The following NOS1AP variants were observed in gnomAD, a reference collection of about 807,000 sequenced individuals.
The protein encoded by NOS1AP is carboxyl-terminal PDZ ligand of neuronal nitric oxide synthase protein.
A neutral mutation model predicts 56.2 loss-of-function variants in NOS1AP; 21 were observed. The observed-to-expected ratio is 0.37, with a 90% CI of 0.26 to 0.54. NOS1AP has a LOEUF of 0.54. Ranked by LOEUF, NOS1AP falls within the 20% of genes least tolerant of loss-of-function variation. The probability of loss-of-function intolerance (pLI) is 0.84; values close to 1 mark genes in which losing one functional copy is unlikely to be tolerated. For missense variants in NOS1AP, 522 were observed against 657.8 expected, an observed-to-expected ratio of 0.79 and a Z score of 2.26; for synonymous variants, 270 against 274.6, an observed-to-expected ratio of 0.98 and a Z score of 0.17.
chr1:162,247,691 C>T lies in NOS1AP; in HGVS notation c.178-39653C>T, dbSNP rs891108355. Among the ~76,000 whole-genome samples, 13 of 150,300 alleles carry T rather than the reference C, an allele frequency of 8.6e-5. No individual in the cohort carries two copies. The East Asian group carries it at 9.6e-4, about 11-fold the overall frequency. ...TTACCTATGAAAATAATTTTTGTCC[C>T]GTCCCCCCCACATTGTCCTCCTTCC... On this transcript the variant is annotated intron_variant, in intron 2 of 9. Coordinates refer to ENST00000361897, the MANE Select transcript of NOS1AP (RefSeq NM_014697.3).
intron 1 of NOS1AP, among the ~76,000 whole-genome samples, chr1:162,087,405 T>G (rs572761271): frequency 6.6e-6 from 1 of 152,190 alleles, no homozygotes; most frequent in Non-Finnish European, 1.5e-5. Context: ...CTTTTTTCAC[T>G]TTACACTAAT....
chr1:162,071,209 G>C (rs778992565), intron 1 of NOS1AP, among the ~76,000 whole-genome samples: 13 of 152,126 alleles, frequency 8.5e-5, no homozygotes, highest in Non-Finnish European at 7.4e-5. Flanking sequence ...AGGGACTTTC[G>C]GCACCTACAG....
intron 2 of NOS1AP, among the ~76,000 whole-genome samples, chr1:162,216,207 T>G (rs1276170000): frequency 6.6e-6 from 1 of 152,242 alleles, no homozygotes; most frequent in Admixed American, 6.5e-5. Context: ...GAGCCACCTG[T>G]GTCCCATTCC....
At chr1:162,075,182 T>A (rs992093066) in intron 1 of NOS1AP, among the ~76,000 whole-genome samples, 1 of 152,192 alleles carries the variant, frequency 6.6e-6, no homozygotes, top group East Asian at 1.9e-4. Flanking sequence ...CCTTGCCTCA[T>A]GCCTTGGTGT....
intron 1 of NOS1AP, among the ~76,000 whole-genome samples, chr1:162,125,011 G>A (rs1344372821): frequency 6.6e-6 from 1 of 151,816 alleles, no homozygotes; most frequent in Non-Finnish European, 1.5e-5. Context: ...TCTACTTTTA[G>A]TTCTTTGAGA....
At position 162,367,670 on chromosome 1, in the gene NOS1AP, C is replaced by T. The variant is rs996064042; in HGVS notation, c.*203C>T. 8.1e-6 allele frequency: 5 copies of T among 620,818 alleles called. No individual in the cohort carries two copies. Among genetic ancestry groups the T allele is most frequent in the Non-Finnish European group, 1.4e-5 (5 of 360,470 alleles). The allele number at this position is 620,818 out of a possible 1,614,324, so 38.5% of individuals were successfully genotyped here. ...AGAAATCGGATTCCCAGAGGTGAAT[C>T]AGCTCCTCTCCTACTTGTGACTAGA... On this transcript the variant is annotated 3_prime_UTR_variant, in exon 10 of 10. Transcript: ENST00000361897. The surrounding 1 kb of genome is among the most constrained non-coding windows in gnomAD (Gnocchi z 6.5).
At chr1:162,220,209 G>A (rs1398718228) in intron 2 of NOS1AP, among the ~76,000 whole-genome samples, 5 of 152,192 alleles carry the variant, frequency 3.3e-5, no homozygotes, top group African/African-American at 9.7e-5. Context: ...GTGAGCCCCC[G>A]TGCTCAGCCT....
At chr1:162,187,286 G>A (rs1290832455) in intron 2 of NOS1AP, among the ~76,000 whole-genome samples, 5 of 152,184 alleles carry the variant, frequency 3.3e-5, no homozygotes, top group South Asian at 4.2e-4. Context: ...AAAGTTTTGT[G>A]ATCTTCTTTA....
chr1:162,354,857 G>A (rs1029447781), intron 6 of NOS1AP, among the ~76,000 whole-genome samples: 1 of 152,212 alleles, frequency 6.6e-6, no homozygotes, highest in Admixed American at 6.5e-5. Flanking sequence ...GACTGCTTCC[G>A]TTCCTGAGCT....
intron 2 of NOS1AP, among the ~76,000 whole-genome samples, chr1:162,231,835 G>C (rs998294129): frequency 1.3e-5 from 2 of 152,154 alleles, no homozygotes; most frequent in African/African-American, 4.8e-5. Flanking sequence ...GTTCTAAAAA[G>C]TTACGAAAAT....
intron 1 of NOS1AP, among the ~76,000 whole-genome samples, chr1:162,131,412 C>G (rs539498017): frequency 2.0e-5 from 3 of 151,396 alleles, no homozygotes; most frequent in African/African-American, 7.3e-5. Flanking sequence ...TCACTTGACA[C>G]AGAATCAGCT....
At chr1:162,129,970 G>T (rs1648677227) in intron 1 of NOS1AP, among the ~76,000 whole-genome samples, 1 of 152,088 alleles carries the variant, frequency 6.6e-6, no homozygotes, top group South Asian at 2.1e-4. Context: ...TAATTACTTG[G>T]GTTTAATTTA....
At chr1:162,268,608 A>G (rs764261197) in intron 2 of NOS1AP, among the ~76,000 whole-genome samples, 1 of 152,194 alleles carries the variant, frequency 6.6e-6, no homozygotes, top group Non-Finnish European at 1.5e-5. Context: ...AAAAAGAGAG[A>G]GACCAAAATA....
chr1:162,333,630 A>G (rs1328593579), intron 5 of NOS1AP, among the ~76,000 whole-genome samples: 1 of 152,202 alleles, frequency 6.6e-6, no homozygotes, highest in Non-Finnish European at 1.5e-5. Context: ...TCATTCCCCC[A>G]GGAGTCTAAC....
At chr1:162,255,545 T>A (rs1458318805) in intron 2 of NOS1AP, among the ~76,000 whole-genome samples, 1 of 134,670 alleles carries the variant, frequency 7.4e-6, no homozygotes, top group Non-Finnish European at 1.5e-5. Context: ...GGTAATGCAT[T>A]GCTCTGAGCT....
intron 2 of NOS1AP, among the ~76,000 whole-genome samples, chr1:162,247,700 C>T (rs1233947792): frequency 1.3e-5 from 2 of 152,122 alleles, no homozygotes; most frequent in South Asian, 2.1e-4. Flanking sequence ...CCGTCCCCCC[C>T]ACATTGTCCT....
At chr1:162,268,882 G>T (rs1443057442) in intron 2 of NOS1AP, among the ~76,000 whole-genome samples, 1 of 152,084 alleles carries the variant, frequency 6.6e-6, no homozygotes, top group Non-Finnish European at 1.5e-5. Context: ...ATCAATCTAG[G>T]AAGTCCAACA....
intron 2 of NOS1AP, among the ~76,000 whole-genome samples, chr1:162,260,596 GA>G (rs1654176788): frequency 6.6e-6 from 1 of 152,154 alleles, no homozygotes; most frequent in African/African-American, 2.4e-5. Flanking sequence ...ATCAGAACTA[GA>G]GACATATTTA....
chr1:162,081,774 A>ATATATATATTTTTTTTTTATTTT, intron 1 of NOS1AP, among the ~76,000 whole-genome samples: 1 of 44,060 alleles, frequency 2.3e-5, no homozygotes, highest in Admixed American at 3.2e-4. Context: ...ATATATATAT[A>ATATATATATTTTTTTTTTATTTT]TTTTTTTTTT....
Sources: allele counts gnomAD v4.1 joint callset (sites outside exome capture counted in the v4.1 genomes callset), GRCh38; gene constraint gnomAD v4.1.1; non-coding constraint Gnocchi (gnomAD v3.1); transcripts MANE v1.5; gene names NCBI Gene and HGNC (gene_info 2026-07-23, HGNC 2026-07-21).